ADGRA3: variants seen among roughly 807,000 people sequenced by gnomAD.
ADGRA3 encodes adhesion G protein-coupled receptor A3, also known as G-protein coupled receptor 125.
Under a neutral mutation model 119.8 loss-of-function variants are expected in ADGRA3, and 56 were observed. That is an observed-to-expected ratio of 0.47 (90% CI 0.38 to 0.58). The LOEUF is 0.58. Among genes scored for constraint, ADGRA3 ranks in the 20% least tolerant of loss-of-function variants. ADGRA3 has a pLI of 0.00. For missense variants in ADGRA3, 1,516 were observed against 1,649.0 expected, an observed-to-expected ratio of 0.92 and a Z score of 1.40; for synonymous variants, 607 against 623.8, an observed-to-expected ratio of 0.97 and a Z score of 0.40.
In ADGRA3 at chr4:22,388,060, T is replaced by G; in HGVS notation, c.3611A>C (p.Asn1204Thr). The G allele has an allele frequency of 6.2e-7, 1 of 1,614,138 alleles. No individual in the cohort carries two copies. The highest frequency in any genetic ancestry group is 8.5e-7 in the Non-Finnish European group (1 of 1,179,998). ...GCCCAGCCGGCTTTTAGGTAAGCCGTTCTGCACGCTTCCTTCCACGCTCGT... is the reference window on the plus strand; with the variant it reads ...GCCCAGCCGGCTTTTAGGTAAGCCGGTCTGCACGCTTCCTTCCACGCTCGT... ...VPTSVEGSVQ[N>T]GLPKSRLGNN... The change falls in exon 19 of 19, where the codon AAC becomes ACC. Residue 1204 changes from asparagine (N) to threonine (T), a missense_variant. Around this residue, in one of 2 missense-constraint regions of ADGRA3, gnomAD observed 1,088 missense variants for 1,107.1 expected, o/e 0.98. Coordinates refer to ENST00000334304, the MANE Select transcript of ADGRA3 (RefSeq NM_145290.4).
chr4:22,474,545 A>G (rs182941318), intron 1 of ADGRA3, among the ~76,000 whole-genome samples: 1 of 152,330 alleles, frequency 6.6e-6, no homozygotes, highest in Admixed American at 6.5e-5. Flanking sequence ...AGGCTTTGTA[A>G]CTTTATGTAG....
At chr4:22,456,275 G>A (rs1717232882) in intron 3 of ADGRA3, among the ~76,000 whole-genome samples, 1 of 152,178 alleles carries the variant, frequency 6.6e-6, no homozygotes, top group Non-Finnish European at 1.5e-5. Flanking sequence ...AATGGCTGGT[G>A]AAGCATTGGT....
chr4:22,455,055 T>C (rs1049632669), intron 3 of ADGRA3, 118 bp from the exon 4 acceptor site: 9 of 699,104 alleles, frequency 1.3e-5, no homozygotes, highest in Admixed American at 4.5e-5. Flanking sequence ...TCTAGCAACT[T>C]TGAGATATTT....
intron 1 of ADGRA3, among the ~76,000 whole-genome samples, chr4:22,489,278 C>T (rs1202993075): frequency 1.3e-5 from 2 of 152,226 alleles, no homozygotes; most frequent in East Asian, 3.9e-4. Flanking sequence ...ATTTAATTAT[C>T]TCCCACCAGG....
intron 2 of ADGRA3, among the ~76,000 whole-genome samples, chr4:22,472,461 T>G (rs983423582): frequency 6.6e-6 from 1 of 152,100 alleles, no homozygotes. Context: ...ATGGACGACA[T>G]GGAACATGAT....
chr4:22,479,379 C>T (rs11722097), intron 1 of ADGRA3, among the ~76,000 whole-genome samples: 14,297 of 151,702 alleles, frequency 0.094, 783 homozygotes, highest in East Asian at 0.19. Context: ...AGGGGAATGG[C>T]GTGAACCCGG....
intron 7 of ADGRA3, among the ~76,000 whole-genome samples, chr4:22,439,639 T>C (rs2109067939): frequency 6.6e-6 from 1 of 152,308 alleles, no homozygotes; most frequent in East Asian, 1.9e-4. Context: ...TTGTCTTTAC[T>C]AAGTTAGAAA....
intron 7 of ADGRA3, among the ~76,000 whole-genome samples, chr4:22,439,592 C>G (rs1373012390): frequency 6.6e-6 from 1 of 152,076 alleles, no homozygotes; most frequent in East Asian, 1.9e-4. Flanking sequence ...AATAAAGGCT[C>G]AAGACACTTT....
intron 5 of ADGRA3, 47 bp downstream of exon 5, chr4:22,447,379 TTTAATTTTCAAAAA>T (rs1297882014): frequency 1.4e-5 from 15 of 1,041,954 alleles, no homozygotes; most frequent in Non-Finnish European, 2.1e-5. Flanking sequence ...AATAAATGTT[TTTAATTTTCAAAAA>T]GACATGAAAA....
At chr4:22,393,897 T>G (rs1369254335) in intron 16 of ADGRA3, 1 of 152,186 alleles carries the variant, frequency 6.6e-6, no homozygotes, top group Non-Finnish European at 1.5e-5. Context: ...ATAGGATAAC[T>G]GCAATATATG....
chr4:22,485,788 A>C (rs921963436), intron 1 of ADGRA3, among the ~76,000 whole-genome samples: 1 of 152,220 alleles, frequency 6.6e-6, no homozygotes, highest in Non-Finnish European at 1.5e-5. Flanking sequence ...ACAGTCGCCC[A>C]CTATATTCTG....
chr4:22,403,661 G>C (rs554129006), intron 14 of ADGRA3, among the ~76,000 whole-genome samples: 1 of 152,150 alleles, frequency 6.6e-6, no homozygotes, highest in African/African-American at 2.4e-5. Flanking sequence ...AGGATCACTT[G>C]AGTCCAGGAG....
chr4:22,468,795 AGAAG>A (rs1241499537), intron 2 of ADGRA3, among the ~76,000 whole-genome samples: 1 of 152,002 alleles, frequency 6.6e-6, no homozygotes, highest in East Asian at 1.9e-4. Flanking sequence ...TAGAGATGGA[AGAAG>A]GAAGGAAGGA....
chr4:22,463,667 T>G (rs1325171856), intron 2 of ADGRA3, among the ~76,000 whole-genome samples: 1 of 152,244 alleles, frequency 6.6e-6, no homozygotes, highest in Non-Finnish European at 1.5e-5. Context: ...GCATGCCTCA[T>G]AACATGTGAG....
In ADGRA3 at chr4:22,424,268, C is replaced by T. The variant is rs748993423; in HGVS notation, c.1528G>A (p.Ala510Thr). ...AGACACTGCACAATCCTACTGCAGG[C>T]TTTAGCTTCCCTCTGCGCCAGCCAC... ...VLWLAQREAK[A>T]CSRIVQCLQR... The change falls in exon 11 of 19, where the codon GCC becomes ACC. Residue 510 changes from alanine to threonine, a missense_variant. Ala to Thr is a moderately conservative substitution (Grantham distance 58). This residue lies in a region of ADGRA3 where 1,088 missense variants were observed against 1,107.1 expected (regional missense o/e 0.98). Coordinates refer to ENST00000334304, the MANE Select transcript of ADGRA3 (RefSeq NM_145290.4). The T allele has an allele frequency of 1.9e-6, 3 of 1,613,788 alleles. No homozygotes were observed. Among genetic ancestry groups the T allele is most frequent in the Admixed American group, 1.7e-5 (1 of 60,022 alleles).
intron 2 of ADGRA3, among the ~76,000 whole-genome samples, chr4:22,466,879 G>T (rs1324702578): frequency 6.6e-6 from 1 of 152,198 alleles, no homozygotes; most frequent in African/African-American, 2.4e-5. Flanking sequence ...ACACAATATA[G>T]AGTGTGTGGA....
chr4:22,466,922 G>A (rs1220128236), intron 2 of ADGRA3, among the ~76,000 whole-genome samples: 1 of 152,130 alleles, frequency 6.6e-6, no homozygotes, highest in Non-Finnish European at 1.5e-5. Flanking sequence ...AATACACCAA[G>A]GCTAGGAGAC....
At chr4:22,396,677 G>C (rs551855073) in intron 16 of ADGRA3, among the ~76,000 whole-genome samples, 2 of 152,270 alleles carry the variant, frequency 1.3e-5, no homozygotes, top group Non-Finnish European at 2.9e-5. Flanking sequence ...GAATGTCTGA[G>C]TCAGAAATAT....
chr4:22,449,964 ATCT>A (rs911269329), intron 4 of ADGRA3, among the ~76,000 whole-genome samples: 3 of 152,164 alleles, frequency 2.0e-5, no homozygotes, highest in African/African-American at 7.2e-5. Flanking sequence ...AGGACATGCC[ATCT>A]TCTTAGTAAA....
Sources: gnomAD v4.1 joint callset for allele counts (sites outside exome capture counted in the v4.1 genomes callset) on GRCh38, gnomAD v4.1.1 for gene constraint, gnomAD v4.1.1 regional missense constraint, MANE v1.5 for transcripts, NCBI Gene and HGNC (gene_info 2026-07-23, HGNC 2026-07-21) for gene names.